TNRC18: variants seen among roughly 807,000 people sequenced by gnomAD.
TNRC18 encodes trinucleotide repeat containing 18.
In TNRC18, 69 loss-of-function variants were observed where a neutral mutation model predicts 226.7. That is an observed-to-expected ratio of 0.30 (90% CI 0.25 to 0.37). The LOEUF (loss-of-function observed/expected upper bound fraction) is 0.37, where lower values mean the gene tolerates loss of function less well. Ranked by LOEUF, TNRC18 falls within the 10% of genes least tolerant of loss-of-function variation. The pLI is 1.00. For missense variants in TNRC18, 4,754 were observed against 4,256.6 expected (o/e 1.12, Z -3.25); for synonymous variants, 2,449 against 1,927.6 (o/e 1.27, Z -7.09).
At position 5,309,984 on chromosome 7, in the gene TNRC18, C is replaced by T. The variant is rs946603421; in HGVS notation, c.8389-616G>A. ...CAGGACTGCAGTGGTAATATCATAG[C>T]TCACTGCAGCCTCGATCTCCTGGGC... On this transcript the variant is annotated intron_variant, in intron 27 of 29. Coordinates refer to ENST00000430969, the MANE Select transcript of TNRC18 (RefSeq NM_001080495.3). The surrounding 1 kb of genome is among the most constrained non-coding windows in gnomAD (Gnocchi z 5.7). 2.0e-5 allele frequency among the ~76,000 whole-genome samples: 3 copies of T among 152,164 alleles called. No individual in the cohort carries two copies. Among genetic ancestry groups the T allele is most frequent in the Non-Finnish European group, 4.4e-5 (3 of 68,032 alleles).
At chr7:5,387,513 C>T (rs1462660021) in intron 5 of TNRC18, among the ~76,000 whole-genome samples, 159 bp downstream of exon 5, 1 of 152,242 alleles carries the variant, frequency 6.6e-6, no homozygotes, top group Admixed American at 6.5e-5. Context: ...AAAACTGAAC[C>T]ATGGTACATG....
At chr7:5,398,202 C>T (rs1018139361) in intron 2 of TNRC18, among the ~76,000 whole-genome samples, 1 of 151,770 alleles carries the variant, frequency 6.6e-6, no homozygotes, top group Admixed American at 6.6e-5. Flanking sequence ...GGGAGTTTCG[C>T]TCTTGTTGCC....
At chr7:5,330,469 A>G (rs563580328) in intron 19 of TNRC18, among the ~76,000 whole-genome samples, 1 of 146,340 alleles carries the variant, frequency 6.8e-6, no homozygotes, top group Admixed American at 6.8e-5. Context: ...CAGTCTCAAA[A>G]CTCCTGGCCT....
At position 5,389,026 on chromosome 7, in the gene TNRC18, C is replaced by A. The variant is rs1179775346; in HGVS notation, c.798G>T (p.Leu266=). The change falls in exon 5 of 30, where the codon CTG becomes CTT. Residue 266 remains leucine, a synonymous_variant. Coordinates refer to ENST00000430969, the MANE Select transcript of TNRC18 (RefSeq NM_001080495.3). ...CCGCATTCTTGGTCTTGGACTCAGC[C>A]AGGAAGGGCGACAGGCGCTCAGCCA... ...PRLAERLSPF[L]AESKTKNAAL... The A allele has an allele frequency of 1.5e-6, 2 of 1,319,524 alleles. 1 individual carries two copies. Among genetic ancestry groups the A allele is most frequent in the Middle Eastern group, 4.5e-4 (2 of 4,464 alleles). The allele number at this position is 1,319,524 out of a possible 1,614,324, so 81.7% of individuals were successfully genotyped here. A position where few individuals can be genotyped will look rare whatever the true frequency, so the allele number is the denominator to read the frequency against.
At chr7:5,350,433 CGGGCGGG>C in intron 17 of TNRC18, among the ~76,000 whole-genome samples, 1 of 72,936 alleles carries the variant, frequency 1.4e-5, no homozygotes, top group Non-Finnish European at 2.7e-5. Flanking sequence ...AAAAACAGGG[CGGGCGGG>C]GGGCGGGGGC....
chr7:5,409,672 C>T (rs761851544), intron 2 of TNRC18, among the ~76,000 whole-genome samples: 6 of 151,742 alleles, frequency 4.0e-5, no homozygotes, highest in Non-Finnish European at 8.8e-5. Flanking sequence ...GAAGAAACTG[C>T]AAGATATAGA....
intron 18 of TNRC18, among the ~76,000 whole-genome samples, chr7:5,336,847 G>T (rs74302777): frequency 2.0e-5 from 3 of 152,222 alleles, no homozygotes; most frequent in African/African-American, 7.2e-5. Flanking sequence ...AAAAGTAAGC[G>T]AGTGAGTTTA....
At chr7:5,412,106 T>C (rs1036112325) in intron 2 of TNRC18, among the ~76,000 whole-genome samples, 3 of 151,706 alleles carry the variant, frequency 2.0e-5, no homozygotes, top group African/African-American at 7.3e-5. Context: ...GGAGGCTCAT[T>C]TGAGCCCAGG....
At chr7:5,418,774 G>C (rs1188524755) in intron 2 of TNRC18, among the ~76,000 whole-genome samples, 1 of 152,376 alleles carries the variant, frequency 6.6e-6, no homozygotes, top group East Asian at 1.9e-4. Flanking sequence ...AAACGCGGGA[G>C]GGGGAGGATG....
chr7:5,392,624 A>G (rs577637808), intron 3 of TNRC18, among the ~76,000 whole-genome samples: 1 of 151,736 alleles, frequency 6.6e-6, no homozygotes, highest in East Asian at 2.0e-4. Flanking sequence ...TCAAAAAATA[A>G]ATAAATAAGT....
At position 5,307,219 on chromosome 7, in the gene TNRC18, A is replaced by AT; in HGVS notation, c.*886_*887insA. On this transcript the variant is annotated 3_prime_UTR_variant, in exon 30 of 30. Coordinates refer to ENST00000430969, the MANE Select transcript of TNRC18 (RefSeq NM_001080495.3). ...TGCACGTCAGAATGTTTTTTTTTAT[A>AT]ATTTCATAGCTATTTTTCACAGTTT... is the stretch of plus-strand genomic sequence containing the variant. The AT allele has an allele frequency of 6.8e-6, 1 of 147,774 alleles. No homozygotes were observed. The highest frequency in any genetic ancestry group is 1.5e-5 in the Non-Finnish European group (1 of 67,062). 9.2% of individuals were successfully genotyped at this position (147,774 alleles called of 1,614,324 possible).
intron 5 of TNRC18, 56 bp downstream of exon 5, chr7:5,387,616 G>C: frequency 3.8e-6 from 6 of 1,592,402 alleles, no homozygotes; most frequent in African/African-American, 1.3e-5. Context: ...TAATGTACGG[G>C]AAACGGCAGA....
At chr7:5,368,938 T>G (rs1401447451) in intron 11 of TNRC18, among the ~76,000 whole-genome samples, 1 of 152,078 alleles carries the variant, frequency 6.6e-6, no homozygotes, top group African/African-American at 2.4e-5. Context: ...CATCCCATTC[T>G]CTTTGAGAAC....
intron 9 of TNRC18, 44 bp downstream of exon 9, chr7:5,375,990 T>C (rs776094789): frequency 9.7e-6 from 15 of 1,544,724 alleles, no homozygotes; most frequent in Non-Finnish European, 9.6e-6. Flanking sequence ...TCGTCACCCA[T>C]GGGGGCCCCC....
chr7:5,408,757 C>T (rs2128216740), intron 2 of TNRC18, among the ~76,000 whole-genome samples: 1 of 152,238 alleles, frequency 6.6e-6, no homozygotes, highest in East Asian at 1.9e-4. Context: ...GAGCAGACAA[C>T]CAGGAAACCA....
At position 5,324,568 on chromosome 7, in the gene TNRC18, C is replaced by T. The variant is rs550203386; in HGVS notation, c.6301-213G>A. Among the ~76,000 whole-genome samples the T allele has an allele frequency of 4.6e-5, 7 of 152,288 alleles. No homozygotes were observed. In the South Asian group the frequency reaches 1.2e-3, roughly 27 times the overall value. On this transcript the variant is annotated intron_variant, in intron 20 of 29. Coordinates refer to ENST00000430969, the MANE Select transcript of TNRC18 (RefSeq NM_001080495.3). This position sits in a 1 kb window ranked among gnomAD's most constrained non-coding sequence, Gnocchi z 4.8. Reference sequence around the variant, plus strand: ...TGGCCCATGCTCAGTACTCGGTGCTCAATACTCAGTACTCTGTGCTCAGTA... The same window carrying T: ...TGGCCCATGCTCAGTACTCGGTGCTTAATACTCAGTACTCTGTGCTCAGTA...
At position 5,389,268 on chromosome 7, in the gene TNRC18, G is replaced by C; in HGVS notation, c.556C>G (p.Pro186Ala). 2 of 1,301,808 alleles carry C rather than the reference G, an allele frequency of 1.5e-6. No homozygotes were observed. The highest frequency in any genetic ancestry group is 1.9e-6 in the Non-Finnish European group (2 of 1,026,720). The allele number at this position is 1,301,808 out of a possible 1,614,324, so 80.6% of individuals were successfully genotyped here. Residue 186 changes from proline to alanine, a missense_variant, in exon 5 of 30, where the codon CCT (proline) becomes GCT (alanine). Coordinates refer to ENST00000430969, the MANE Select transcript of TNRC18 (RefSeq NM_001080495.3). Reference protein sequence around the residue: ...LHSHAPSARTPGGGHSSGAPA... With the variant: ...LHSHAPSARTAGGGHSSGAPA... ...GCGCCCGAGGAGTGGCCGCCGCCAG[G>C]GGTCCGGGCCGAGGGCGCGTGAGAG...
chr7:5,391,607 G>A lies in TNRC18; in HGVS notation c.344-979C>T, dbSNP rs116681763. On this transcript the variant is annotated intron_variant, in intron 3 of 29. Coordinates refer to ENST00000430969, the MANE Select transcript of TNRC18 (RefSeq NM_001080495.3). Reference sequence around the variant, plus strand: ...ATTACAGGTGTGAGCCACCACATCCGGCTCAGAATTTTTTAAAAATAAAAA... The same window carrying A: ...ATTACAGGTGTGAGCCACCACATCCAGCTCAGAATTTTTTAAAAATAAAAA... 9.8e-3 allele frequency among the ~76,000 whole-genome samples: 1,485 copies of A among 151,728 alleles called. 24 individuals carry two copies. The highest frequency in any genetic ancestry group is 0.034 in the African/African-American group (1,394 of 41,420).
intron 5 of TNRC18, among the ~76,000 whole-genome samples, chr7:5,384,828 G>A (rs1005497851): frequency 6.6e-6 from 1 of 152,176 alleles, no homozygotes. Flanking sequence ...GGGTCAGAGT[G>A]TAGCGGGGCT....
Sources: allele counts gnomAD v4.1 joint callset (sites outside exome capture counted in the v4.1 genomes callset), GRCh38; gene constraint gnomAD v4.1.1; non-coding constraint Gnocchi (gnomAD v3.1); transcripts MANE v1.5; gene names NCBI Gene and HGNC (gene_info 2026-07-23, HGNC 2026-07-21).